The following TTC27 variants were observed in gnomAD, a reference collection of about 807,000 sequenced individuals.
TTC27 encodes the protein tetratricopeptide repeat protein 27.
Under a neutral mutation model 115.9 loss-of-function variants are expected in TTC27, and 79 were observed. The observed-to-expected ratio is 0.68, with a 90% CI of 0.57 to 0.82. The LOEUF is 0.82. TTC27 is among the 40% of genes least tolerant of loss of function. The probability of loss-of-function intolerance (pLI) is 0.00; values close to 1 mark genes in which losing one functional copy is unlikely to be tolerated. For synonymous variants in TTC27, 401 were observed against 356.0 expected, an observed-to-expected ratio of 1.13 and a Z score of -1.42; for missense variants, 1,054 against 993.1, an observed-to-expected ratio of 1.06 and a Z score of -0.82.
intron 9 of TTC27, among the ~76,000 whole-genome samples, chr2:32,683,689 GA>G (rs1229033277): frequency 6.6e-6 from 1 of 152,186 alleles, no homozygotes; most frequent in Non-Finnish European, 1.5e-5. Context: ...TATTGTTTTA[GA>G]GAGCCATTTA....
chr2:32,737,286 C>CA (rs1180646667), intron 12 of TTC27, among the ~76,000 whole-genome samples: 2 of 152,018 alleles, frequency 1.3e-5, no homozygotes, highest in African/African-American at 4.8e-5. Context: ...TAAATTGGGC[C>CA]AGGAGGGAAA....
chr2:32,796,168 A>G (rs899962035), intron 16 of TTC27, among the ~76,000 whole-genome samples: 2 of 152,240 alleles, frequency 1.3e-5, no homozygotes, highest in Non-Finnish European at 2.9e-5. Flanking sequence ...CTAACAGTGA[A>G]CAATCCCAAA....
chr2:32,692,437 T>C (rs1666849221), intron 9 of TTC27, among the ~76,000 whole-genome samples: 1 of 152,104 alleles, frequency 6.6e-6, no homozygotes, highest in East Asian at 1.9e-4. Context: ...TTGGGAGTTG[T>C]TTAATGGGTA....
chr2:32,785,789 T>G (rs1157716357), intron 15 of TTC27, among the ~76,000 whole-genome samples: 1 of 152,028 alleles, frequency 6.6e-6, no homozygotes, highest in African/African-American at 2.4e-5. Context: ...AGAGACAGGG[T>G]TTCATCATGT....
intron 10 of TTC27, among the ~76,000 whole-genome samples, chr2:32,714,098 C>G (rs1178591545): frequency 2.0e-5 from 3 of 151,384 alleles, no homozygotes; most frequent in African/African-American, 7.3e-5. Context: ...AGAACATAAT[C>G]TTGTTCTTTT....
At chr2:32,750,127 A>T (rs534502258) in intron 12 of TTC27, among the ~76,000 whole-genome samples, 2 of 152,344 alleles carry the variant, frequency 1.3e-5, no homozygotes, top group South Asian at 4.1e-4. Flanking sequence ...GTCAGAACTT[A>T]AGGTAAATCC....
intron 5 of TTC27, among the ~76,000 whole-genome samples, chr2:32,651,962 G>C (rs1665142358): frequency 6.6e-6 from 1 of 152,086 alleles, no homozygotes. Flanking sequence ...GTCTAGCAGG[G>C]GGCCTGTTAG....
At chr2:32,778,865 G>A (rs1028323762) in intron 14 of TTC27, among the ~76,000 whole-genome samples, 1 of 152,308 alleles carries the variant, frequency 6.6e-6, no homozygotes, top group Admixed American at 6.5e-5. Flanking sequence ...CCCAGTAGTA[G>A]AGTTGCTGGA....
intron 9 of TTC27, 64 bp downstream of exon 9, chr2:32,678,986 G>A: frequency 7.1e-7 from 1 of 1,414,824 alleles, no homozygotes; most frequent in Non-Finnish European, 9.9e-7. Context: ...CTCTGGTATG[G>A]TCTTGCCTTG....
intron 14 of TTC27, among the ~76,000 whole-genome samples, chr2:32,781,181 A>G (rs934034991): frequency 1.3e-5 from 2 of 152,222 alleles, no homozygotes; most frequent in Admixed American, 6.5e-5. Context: ...TACGACAAGC[A>G]GTTCCAGCAG....
intron 12 of TTC27, among the ~76,000 whole-genome samples, chr2:32,757,395 G>C (rs1226907222): frequency 1.3e-5 from 2 of 152,144 alleles, no homozygotes; most frequent in Non-Finnish European, 2.9e-5. Flanking sequence ...ACCCCAGAGG[G>C]CCAGTGAAGC....
At chr2:32,788,974 C>T (rs1411288922) in intron 16 of TTC27, among the ~76,000 whole-genome samples, 1 of 152,172 alleles carries the variant, frequency 6.6e-6, no homozygotes, top group Non-Finnish European at 1.5e-5. Flanking sequence ...ATCCTAAGCA[C>T]TTCACATGTA....
At chr2:32,639,079 G>A (rs987172112) in intron 3 of TTC27, among the ~76,000 whole-genome samples, 13 of 151,636 alleles carry the variant, frequency 8.6e-5, no homozygotes, top group South Asian at 4.2e-4. Flanking sequence ...TGATCCGCCC[G>A]CCTTGGCCTC....
rs1441283474 is a variant in TTC27 at position 32,758,155 on chromosome 2, CT to C, written c.1453-135del. ...TCGGTCCTCTTACTCAACCTGTGTC[CT>C]TGATAGGTCAAATAAGAAATCTCAA... On this transcript the variant is annotated intron_variant, in intron 12 of 19. Transcript: ENST00000317907. 6.7e-6 allele frequency: 5 copies of C among 747,694 alleles called. No individual in the cohort carries two copies. In the African/African-American group the frequency reaches 8.9e-5, roughly 13 times the overall value. The allele number at this position is 747,694 out of a possible 1,614,324, so 46.3% of individuals were successfully genotyped here.
At chr2:32,740,562 T>C (rs140257411) in intron 12 of TTC27, among the ~76,000 whole-genome samples, 10 of 152,220 alleles carry the variant, frequency 6.6e-5, no homozygotes, top group Non-Finnish European at 1.3e-4. Context: ...AATCTGCCAT[T>C]CTCACCCCAA....
At chr2:32,789,793 A>G (rs1019300360) in intron 16 of TTC27, among the ~76,000 whole-genome samples, 1 of 151,518 alleles carries the variant, frequency 6.6e-6, no homozygotes, top group African/African-American at 2.4e-5. Context: ...GGGCTTGGTA[A>G]TATGTACCTG....
intron 10 of TTC27, among the ~76,000 whole-genome samples, chr2:32,722,826 A>G (rs1040547845): frequency 1.3e-5 from 2 of 152,194 alleles, no homozygotes; most frequent in African/African-American, 4.8e-5. Context: ...TGGAGGGCAC[A>G]CAATCTCAGG....
Position 32,664,300 on chromosome 2 carries a change from C to G in TTC27, c.641-3C>G. 6.3e-7 allele frequency: 1 copy of G among 1,589,628 alleles called. No homozygotes were observed. Among genetic ancestry groups the G allele is most frequent in the Non-Finnish European group, 8.5e-7 (1 of 1,169,678 alleles). On this transcript the variant is annotated splice_polypyrimidine_tract_variant and splice_region_variant and intron_variant, in intron 5 of 19. Coordinates refer to ENST00000317907, the MANE Select transcript of TTC27 (RefSeq NM_017735.5). ...TTTTAATGTTTTATCTTTTGTCTTG[C>G]AGTGATGAAACTACAGAATCTGTTT...
At chr2:32,818,971 G>A (rs571685508) in intron 19 of TTC27, among the ~76,000 whole-genome samples, 1 of 152,222 alleles carries the variant, frequency 6.6e-6, no homozygotes, top group Admixed American at 6.5e-5. Flanking sequence ...TCAAAATTGT[G>A]TCTCTCGGAA....
Sources: allele counts gnomAD v4.1 joint callset (sites outside exome capture counted in the v4.1 genomes callset), GRCh38; gene constraint gnomAD v4.1.1; transcripts MANE v1.5; gene names NCBI Gene and HGNC (gene_info 2026-07-23, HGNC 2026-07-21).